Variants in ANKRD54 observed in about 807,000 individuals in gnomAD.
ANKRD54 encodes the protein ankyrin repeat domain-containing protein 54.
ANKRD54 carries 26 observed loss-of-function variants against 36.2 expected under a neutral mutation model. The ratio of observed to expected loss-of-function variants is 0.72; its 90% CI spans 0.53 to 1.00. The LOEUF (loss-of-function observed/expected upper bound fraction) is 1.00, where lower values mean the gene tolerates loss of function less well. ANKRD54 is among the 50% of genes least tolerant of loss of function. The pLI, the probability that ANKRD54 is intolerant of heterozygous loss-of-function variation, is 0.00. For synonymous variants in ANKRD54, 209 were observed against 188.4 expected, an observed-to-expected ratio of 1.11 and a Z score of -0.89; for missense variants, 384 against 424.3, an observed-to-expected ratio of 0.91 and a Z score of 0.83.
At chr22:37,848,333 T>G (rs1397493443), upstream of ANKRD54, 1 of 152,124 alleles carries the variant, frequency 6.6e-6, no homozygotes, top group Non-Finnish European at 1.5e-5. Flanking sequence ...AACTTTAATG[T>G]CCAAAGTTGG....
intron 6 of ANKRD54, 55 bp downstream of exon 6, chr22:37,832,903 G>C: frequency 6.2e-7 from 1 of 1,608,368 alleles, no homozygotes; most frequent in Non-Finnish European, 8.5e-7. Flanking sequence ...GGTTAGGGCA[G>C]CATCTGTCCA....
chr22:37,842,113 C>T (rs1161840982), intron 1 of ANKRD54, among the ~76,000 whole-genome samples: 1 of 150,406 alleles, frequency 6.6e-6, no homozygotes, highest in African/African-American at 2.5e-5. Flanking sequence ...CATGGTAAAA[C>T]CCCATCTCTA....
chr22:37,831,870 G>T lies in ANKRD54; in HGVS notation c.*73C>A. On this transcript the variant is annotated 3_prime_UTR_variant, in exon 8 of 8. Coordinates refer to ENST00000215941, the MANE Select transcript of ANKRD54 (RefSeq NM_138797.4). ...AGTGCAGCTCCAAGTCCCAGATGTT[G>T]GGCTTTTTCTTGGTACTGAGACAGC... 1 of 1,510,558 alleles carries T rather than the reference G, an allele frequency of 6.6e-7. No homozygotes were observed. The allele number at this position is 1,510,558 out of a possible 1,614,324, so 93.6% of individuals were successfully genotyped here.
rs1334934252 is a variant in ANKRD54 at position 37,833,165 on chromosome 22, G to A, written c.589C>T (p.Arg197Ter). ...NHVPVITTLL[R>*]GGARVDALDR... ...AGGGGAAGAAACCACATACCTCCTC[G>A]TAGCAGTGTGGTGATGACAGGAACG... is the stretch of plus-strand genomic sequence containing the variant. Residue 197 changes from arginine (R) to a stop codon, truncating the protein, a stop_gained, in exon 5 of 8, where the codon CGA (arginine) becomes TGA (stop). Transcript: ENST00000215941. LOFTEE classifies it high-confidence loss of function. The A allele has an allele frequency of 5.6e-6, 9 of 1,613,726 alleles. No individual in the cohort carries two copies. Among genetic ancestry groups the A allele is most frequent in the East Asian group, 2.2e-5 (1 of 44,888 alleles).
chr22:37,833,620 T>A, intron 4 of ANKRD54, 64 bp downstream of exon 4: 2 of 1,577,910 alleles, frequency 1.3e-6, no homozygotes, highest in South Asian at 2.2e-5. Context: ...GGCCCCACCC[T>A]CTTCATCTAA....
At chr22:37,840,577 A>C (rs1250881085) in intron 1 of ANKRD54, among the ~76,000 whole-genome samples, 2 of 142,268 alleles carry the variant, frequency 1.4e-5, no homozygotes, top group Non-Finnish European at 3.1e-5. Flanking sequence ...CAAACAAACA[A>C]ACACACACAA....
chr22:37,843,185 G>A (rs1353962624), intron 1 of ANKRD54, among the ~76,000 whole-genome samples: 2 of 152,228 alleles, frequency 1.3e-5, no homozygotes, highest in African/African-American at 4.8e-5. Flanking sequence ...TACTTTGGGA[G>A]GCCGAGGTGG....
At chr22:37,841,038 C>T (rs1199863795) in intron 1 of ANKRD54, among the ~76,000 whole-genome samples, 2 of 150,606 alleles carry the variant, frequency 1.3e-5, no homozygotes, top group African/African-American at 4.9e-5. Context: ...GATGAGATCA[C>T]GCCACTGCAT....
chr22:37,840,521 T>C (rs1924096118), intron 1 of ANKRD54, among the ~76,000 whole-genome samples: 1 of 152,048 alleles, frequency 6.6e-6, no homozygotes, highest in Non-Finnish European at 1.5e-5. Flanking sequence ...ATCGCGCCAC[T>C]GCACTCCAGC....
At chr22:37,849,288 G>C (rs756518665), upstream of ANKRD54, 1 of 854,974 alleles carries the variant, frequency 1.2e-6, no homozygotes, top group South Asian at 1.4e-5. Flanking sequence ...CACGGAACGC[G>C]GCTCCTCTTC....
rs73883956 is a variant in ANKRD54 at position 37,838,691 on chromosome 22, G to C, written c.377-93C>G. On this transcript the variant is annotated intron_variant, in intron 2 of 7. Coordinates refer to ENST00000215941, the MANE Select transcript of ANKRD54 (RefSeq NM_138797.4). ...GCGATGGAGAGGGAGGCTCAGGGGT[G>C]CCTCTAGACAAGACATCGACAATGC... 2,667 of 1,292,928 alleles carry C rather than the reference G, an allele frequency of 2.1e-3. 51 individuals carry two copies. The African/African-American group carries it at 0.035, about 17-fold the overall frequency. The allele number at this position is 1,292,928 out of a possible 1,614,324, so 80.1% of individuals were successfully genotyped here. A position where few individuals can be genotyped will look rare whatever the true frequency, so the allele number is the denominator to read the frequency against.
chr22:37,844,121 C>A lies in ANKRD54; in HGVS notation c.118G>T (p.Ala40Ser). 2 of 1,490,736 alleles carry A rather than the reference C, an allele frequency of 1.3e-6. No homozygotes were observed. The highest frequency in any genetic ancestry group is 1.3e-5 in the South Asian group (1 of 79,392). The allele number at this position is 1,490,736 out of a possible 1,614,324, so 92.3% of individuals were successfully genotyped here. A position where few individuals can be genotyped will look rare whatever the true frequency, so the allele number is the denominator to read the frequency against. The stretch of plus-strand genomic sequence containing the variant: ...CCGCCCAGCGCAGACCCGAAGTCAG[C>A]GAAGGAGAAGAGGCCCTCAGCGTCA... ...LTDAEGLFSF[A>S]DFGSALGGGG... is the part of the protein sequence containing the mutation. Residue 40 changes from alanine (A) to serine (S), a missense_variant, in exon 1 of 8, where the codon GCT becomes TCT. Coordinates refer to ENST00000215941, the MANE Select transcript of ANKRD54 (RefSeq NM_138797.4).
At position 37,832,918 on chromosome 22, in the gene ANKRD54, T is replaced by A. The variant is rs202181716; in HGVS notation, c.720+40A>T. On this transcript the variant is annotated intron_variant, in intron 6 of 7. Transcript: ENST00000215941. The stretch of plus-strand genomic sequence containing the variant: ...GGTTAGGGCAGCATCTGTCCAGTGC[T>A]GCCTTGGTGCCGTGGTCTCCACACA... 5.6e-4 allele frequency: 909 copies of A among 1,610,718 alleles called. 1 individual carries two copies. Among genetic ancestry groups the A allele is most frequent in the Middle Eastern group, 3.3e-3 (20 of 6,054 alleles).
At chr22:37,839,655 G>C (rs942737564) in intron 2 of ANKRD54, among the ~76,000 whole-genome samples, 1 of 152,192 alleles carries the variant, frequency 6.6e-6, no homozygotes, top group Admixed American at 6.5e-5. Context: ...CCAAAGTGCT[G>C]GGATTACAGG....
At chr22:37,839,502 C>A (rs1267992127) in intron 2 of ANKRD54, among the ~76,000 whole-genome samples, 1 of 152,132 alleles carries the variant, frequency 6.6e-6, no homozygotes, top group African/African-American at 2.4e-5. Flanking sequence ...ATTCTCCTGC[C>A]GCAGCCTCCC....
chr22:37,831,782 C>T lies in ANKRD54; in HGVS notation c.*161G>A, dbSNP rs1158113789. 5 of 659,642 alleles carry T rather than the reference C, an allele frequency of 7.6e-6. No homozygotes were observed. Among genetic ancestry groups the T allele is most frequent in the Admixed American group, 5.6e-5 (2 of 35,454 alleles). The allele number at this position is 659,642 out of a possible 1,614,324, so 40.9% of individuals were successfully genotyped here. A position where few individuals can be genotyped will look rare whatever the true frequency, so the allele number is the denominator to read the frequency against. On this transcript the variant is annotated 3_prime_UTR_variant, in exon 8 of 8. Transcript: ENST00000215941. ...CTGTGGCTGGGAGTGGCTCTGAGGC[C>T]GTGGAGAGAGAGCATCTCTGCCCCA...
intron 1 of ANKRD54, among the ~76,000 whole-genome samples, chr22:37,841,527 CACAA>C (rs1349618791): frequency 2.1e-5 from 3 of 143,588 alleles, no homozygotes; most frequent in African/African-American, 8.0e-5. Flanking sequence ...CTCTGTCTCA[CACAA>C]ACACACACAC....
Position 37,838,678 on chromosome 22 carries a change from G to T in ANKRD54, c.377-80C>A, listed in dbSNP as rs889422907. On this transcript the variant is annotated intron_variant, in intron 2 of 7. Transcript: ENST00000215941. ...GCTGCAGACCCGAGCGATGGAGAGGGAGGCTCAGGGGTGCCTCTAGACAAG... is the reference window on the plus strand; with the variant it reads ...GCTGCAGACCCGAGCGATGGAGAGGTAGGCTCAGGGGTGCCTCTAGACAAG... The T allele has an allele frequency of 2.8e-6, 4 of 1,421,082 alleles. No individual in the cohort carries two copies. The African/African-American group carries it at 5.7e-5, about 20-fold the overall frequency. The allele number at this position is 1,421,082 out of a possible 1,614,324, so 88.0% of individuals were successfully genotyped here. A position where few individuals can be genotyped will look rare whatever the true frequency, so the allele number is the denominator to read the frequency against.
intron 3 of ANKRD54, 149 bp from the exon 4 acceptor site, chr22:37,833,904 C>T: frequency 1.4e-6 from 1 of 694,752 alleles, no homozygotes; most frequent in Non-Finnish European, 2.5e-6. Context: ...CACTCACTCA[C>T]TCACTTACTT....
Sources: allele counts gnomAD v4.1 joint callset (sites outside exome capture counted in the v4.1 genomes callset), GRCh38; gene constraint gnomAD v4.1.1; transcripts MANE v1.5; gene names NCBI Gene and HGNC (gene_info 2026-07-23, HGNC 2026-07-21).